Variants in STK40 observed in about 807,000 individuals in gnomAD.
The protein encoded by STK40 is serine/threonine-protein kinase 40.
Under a neutral mutation model 47.9 loss-of-function variants are expected in STK40, and 13 were observed. The ratio of observed to expected loss-of-function variants is 0.27; its 90% CI spans 0.18 to 0.43. The LOEUF (loss-of-function observed/expected upper bound fraction) is 0.43, where lower values mean the gene tolerates loss of function less well. Among genes scored for constraint, STK40 ranks in the 20% least tolerant of loss-of-function variants. The probability of loss-of-function intolerance (pLI) is 1.00; values close to 1 mark genes in which losing one functional copy is unlikely to be tolerated. For missense variants in STK40, 460 were observed against 595.1 expected, an observed-to-expected ratio of 0.77 and a Z score of 2.36; for synonymous variants, 225 against 243.2, an observed-to-expected ratio of 0.93 and a Z score of 0.69.
At chr1:36,365,232 C>T (rs1325172555) in intron 1 of STK40, among the ~76,000 whole-genome samples, 3 of 152,282 alleles carry the variant, frequency 2.0e-5, no homozygotes, top group African/African-American at 4.8e-5. Flanking sequence ...TCAGGCGATA[C>T]GCCCGCCTCG....
rs1570448526 is a variant in STK40, at chr1:36,358,450, C to T, written c.199-68G>A. 21 of 1,536,308 alleles carry T rather than the reference C, an allele frequency of 1.4e-5. 1 individual carries two copies. Among genetic ancestry groups the T allele is most frequent in the Middle Eastern group, 1.7e-4 (1 of 5,724 alleles). ...ACTTTACACAGCAGAACAACCAGAA[C>T]GGGGGAAGCAGGGGGCTTTTTACCA... On this transcript the variant is annotated intron_variant, in intron 3 of 10. Transcript: ENST00000373132.
chr1:36,347,657 CTTT>C (rs563558488), intron 7 of STK40, among the ~76,000 whole-genome samples: 6 of 140,270 alleles, frequency 4.3e-5, no homozygotes, highest in Non-Finnish European at 6.3e-5. Flanking sequence ...TTTTTTTTTT[CTTT>C]TTTTTTTTTT....
At chr1:36,383,628 A>C (rs1647059601) in intron 1 of STK40, among the ~76,000 whole-genome samples, 1 of 152,186 alleles carries the variant, frequency 6.6e-6, no homozygotes, top group South Asian at 2.1e-4. Flanking sequence ...AAATCTTTCT[A>C]AAATATGTAA....
At chr1:36,383,493 A>C (rs942086875) in intron 1 of STK40, among the ~76,000 whole-genome samples, 13 of 152,232 alleles carry the variant, frequency 8.5e-5, no homozygotes, top group Non-Finnish European at 1.5e-4. Flanking sequence ...GTGCTTCCTC[A>C]GCAAAGATCC....
chr1:36,379,972 G>A (rs995552123), intron 1 of STK40, among the ~76,000 whole-genome samples: 3 of 152,144 alleles, frequency 2.0e-5, no homozygotes, highest in Non-Finnish European at 4.4e-5. Flanking sequence ...AATAACCCAA[G>A]TGTTTGTTAG....
chr1:36,372,827 C>T (rs1201693578), intron 1 of STK40: 1 of 152,200 alleles, frequency 6.6e-6, no homozygotes, highest in African/African-American at 2.4e-5. Context: ...CCTCCACCAG[C>T]CAACAGGCAG....
intron 5 of STK40, among the ~76,000 whole-genome samples, chr1:36,354,849 G>A (rs1411051531): frequency 6.6e-6 from 1 of 152,138 alleles, no homozygotes. Flanking sequence ...TTGTCCCAGC[G>A]TGCCTGACAC....
At chr1:36,369,537 T>C (rs528425068) in intron 1 of STK40, among the ~76,000 whole-genome samples, 7 of 152,168 alleles carry the variant, frequency 4.6e-5, no homozygotes, top group Non-Finnish European at 8.8e-5. Flanking sequence ...GAGTATGCCA[T>C]GAACACCCCT....
rs115120808 is a variant in STK40, at chr1:36,354,414, T to C, written c.573A>G (p.Lys191=). 2.2e-3 allele frequency: 3,523 copies of C among 1,614,048 alleles called. 63 individuals are homozygous for C. In the African/African-American group the frequency reaches 0.04, roughly 19 times the overall value. ...VVRVVEALHQ[K]NIVHRDLKLG... is the part of the protein sequence containing the mutation. ...GCTTCAGGTCTCTGTGCACGATATT[T>C]TTCTGTAAAACAACAGGCGTATGGT... Residue 191 remains lysine (K), a splice_region_variant and synonymous_variant, in exon 6 of 11, where the codon AAA becomes AAG. Transcript: ENST00000373132.
intron 1 of STK40, among the ~76,000 whole-genome samples, chr1:36,364,595 CTCTT>C (rs1344121085): frequency 2.6e-5 from 4 of 151,616 alleles, no homozygotes; most frequent in Non-Finnish European, 4.4e-5. Context: ...TTTTTAGAAA[CTCTT>C]TCTATGTAAG....
At chr1:36,370,614 G>A (rs938113696) in intron 1 of STK40, among the ~76,000 whole-genome samples, 4 of 152,290 alleles carry the variant, frequency 2.6e-5, no homozygotes, top group East Asian at 1.9e-4. Flanking sequence ...CAGGTCTCTT[G>A]TAGATTCCTG....
At chr1:36,370,928 G>A (rs1287336182) in intron 1 of STK40, among the ~76,000 whole-genome samples, 1 of 151,106 alleles carries the variant, frequency 6.6e-6, no homozygotes, top group Non-Finnish European at 1.5e-5. Context: ...CCAGGCTGGA[G>A]TGCAGTGGCA....
chr1:36,358,826 C>G lies in STK40; in HGVS notation c.113-4G>C, dbSNP rs368597188. On this transcript the variant is annotated splice_polypyrimidine_tract_variant and splice_region_variant and intron_variant, in intron 2 of 10. Transcript: ENST00000373132. ...GGTGAGTTGCCCAGACGGGGACCTA[C>G]GGCACAGAGAGCTGCTGGTCTACTT... is the stretch of plus-strand genomic sequence containing the variant. 1 of 1,614,134 alleles carries G rather than the reference C, an allele frequency of 6.2e-7. No individual in the cohort carries two copies. Among genetic ancestry groups the G allele is most frequent in the African/African-American group, 1.3e-5 (1 of 75,036 alleles).
chr1:36,344,823 C>T (rs187868586), intron 7 of STK40, among the ~76,000 whole-genome samples: 1 of 152,364 alleles, frequency 6.6e-6, no homozygotes, highest in Admixed American at 6.5e-5. Flanking sequence ...GAAGGATGGC[C>T]ACTTAATTCA....
chr1:36,376,268 A>T (rs185465064), intron 1 of STK40, among the ~76,000 whole-genome samples: 1 of 152,274 alleles, frequency 6.6e-6, no homozygotes, highest in Admixed American at 6.5e-5. Context: ...ATGTCCATGC[A>T]TTGAGGGCGT....
chr1:36,361,391 T>G, intron 1 of STK40, 51 bp from the exon 2 acceptor site: 3 of 1,609,326 alleles, frequency 1.9e-6, no homozygotes, highest in Non-Finnish European at 2.5e-6. Flanking sequence ...GCGAGTTTCC[T>G]TATGCTAACC....
intron 1 of STK40, among the ~76,000 whole-genome samples, chr1:36,377,618 T>C (rs1350939246): frequency 6.7e-6 from 1 of 150,290 alleles, no homozygotes; most frequent in Admixed American, 6.6e-5. Context: ...GAGTATGGCC[T>C]GGGAAGAGGT....
At chr1:36,346,416 A>G (rs920469554) in intron 7 of STK40, among the ~76,000 whole-genome samples, 1 of 152,202 alleles carries the variant, frequency 6.6e-6, no homozygotes, top group Non-Finnish European at 1.5e-5. Context: ...TAGCCAGACT[A>G]TCACCTCCAT....
chr1:36,381,976 C>T (rs762028286), intron 1 of STK40, among the ~76,000 whole-genome samples: 1 of 152,112 alleles, frequency 6.6e-6, no homozygotes, highest in South Asian at 2.1e-4. Flanking sequence ...TAGGGCCTGC[C>T]TCTCCATCCT....
Sources: gnomAD v4.1 joint callset for allele counts (sites outside exome capture counted in the v4.1 genomes callset) on GRCh38, gnomAD v4.1.1 for gene constraint, MANE v1.5 for transcripts, NCBI Gene and HGNC (gene_info 2026-07-23, HGNC 2026-07-21) for gene names.